Variants in MDGA2 observed in about 807,000 individuals in gnomAD.
MDGA2 encodes MAM domain containing glycosylphosphatidylinositol anchor 2, also known as MAM domain-containing glycosylphosphatidylinositol anchor protein 2.
Under a neutral mutation model 117.8 loss-of-function variants are expected in MDGA2, and 40 were observed. The observed-to-expected ratio is 0.34, with a 90% CI of 0.26 to 0.44. The LOEUF (loss-of-function observed/expected upper bound fraction) is 0.44, where lower values mean the gene tolerates loss of function less well. Ranked by LOEUF, MDGA2 falls within the 20% of genes least tolerant of loss-of-function variation. The probability of loss-of-function intolerance (pLI) is 1.00; values close to 1 mark genes in which losing one functional copy is unlikely to be tolerated. For synonymous variants in MDGA2, 452 were observed against 439.0 expected, an observed-to-expected ratio of 1.03 and a Z score of -0.37; for missense variants, 1,123 against 1,250.6, an observed-to-expected ratio of 0.90 and a Z score of 1.54.
At chr14:47,104,290 A>G in intron 5 of MDGA2, among the ~76,000 whole-genome samples, 1 of 151,584 alleles carries the variant, frequency 6.6e-6, no homozygotes, top group Non-Finnish European at 1.5e-5. Flanking sequence ...TCACAAAACA[A>G]GTGAATATGC....
chr14:46,881,970 G>A, intron 11 of MDGA2, 74 bp downstream of exon 11: 1 of 979,962 alleles, frequency 1.0e-6, no homozygotes, highest in Non-Finnish European at 1.4e-6. Context: ...TCTAAATTTG[G>A]TAGATAGCAG....
At position 47,453,307 on chromosome 14, in the gene MDGA2, T is replaced by A. The variant is rs116375948; in HGVS notation, c.281-151757A>T. Among the ~76,000 whole-genome samples, 965 of 152,232 alleles carry A rather than the reference T, an allele frequency of 6.3e-3. 9 individuals carry two copies. Among genetic ancestry groups the A allele is most frequent in the African/African-American group, 0.022 (923 of 41,564 alleles). On this transcript the variant is annotated intron_variant, in intron 1 of 16. Transcript: ENST00000399232. ...TCCTTTTCTTTCTCATATTTAAATA[T>A]AAAAATTTTCCTTACAAAGGGGTGC...
chr14:47,502,700 A>T (rs1894423822), intron 1 of MDGA2, among the ~76,000 whole-genome samples: 1 of 151,962 alleles, frequency 6.6e-6, no homozygotes, highest in Non-Finnish European at 1.5e-5. Flanking sequence ...ACAGAGTCTC[A>T]CTGTGTCACC....
chr14:47,259,903 T>C (rs919958896), intron 2 of MDGA2, among the ~76,000 whole-genome samples: 1 of 152,082 alleles, frequency 6.6e-6, no homozygotes, highest in Non-Finnish European at 1.5e-5. Flanking sequence ...CAAGCTATTA[T>C]ATAAGAGACT....
chr14:47,514,986 T>C (rs1441008086), intron 1 of MDGA2, among the ~76,000 whole-genome samples: 2 of 152,236 alleles, frequency 1.3e-5, no homozygotes, highest in Non-Finnish European at 2.9e-5. Context: ...AACTATGTTT[T>C]GTCTCTTCAT....
chr14:46,921,273 C>A (rs1884118101), intron 9 of MDGA2, among the ~76,000 whole-genome samples: 1 of 151,962 alleles, frequency 6.6e-6, no homozygotes. Context: ...TTTTTATCAT[C>A]ACTCATTTAA....
chr14:47,034,729 TACACACACACACACACACAC>T (rs59191576), intron 8 of MDGA2, among the ~76,000 whole-genome samples: 1 of 147,054 alleles, frequency 6.8e-6, no homozygotes. Context: ...ATAATTATCA[TACACACACACACACACACAC>T]ACACACACAC....
At chr14:47,075,175 G>A (rs569716682) in intron 6 of MDGA2, among the ~76,000 whole-genome samples, 10 of 152,024 alleles carry the variant, frequency 6.6e-5, no homozygotes, top group Non-Finnish European at 1.3e-4. Context: ...CATCTTTTTT[G>A]TAATGCTTTC....
chr14:47,226,206 A>C (rs925542039), intron 2 of MDGA2, among the ~76,000 whole-genome samples: 2 of 148,578 alleles, frequency 1.3e-5, no homozygotes, highest in African/African-American at 5.0e-5. Context: ...AGAGTGAGAC[A>C]CTGTCTCACC....
chr14:47,470,833 T>C (rs1168950642), intron 1 of MDGA2, among the ~76,000 whole-genome samples: 1 of 152,152 alleles, frequency 6.6e-6, no homozygotes, highest in Non-Finnish European at 1.5e-5. Context: ...GTGGCCAAAT[T>C]GTCATCAATT....
intron 5 of MDGA2, among the ~76,000 whole-genome samples, chr14:47,114,661 G>C (rs1881225059): frequency 6.6e-6 from 1 of 152,044 alleles, no homozygotes; most frequent in South Asian, 2.1e-4. Flanking sequence ...ACAAAAACAA[G>C]CAATGGGGAA....
intron 8 of MDGA2, among the ~76,000 whole-genome samples, chr14:46,961,133 C>T (rs944366088): frequency 2.6e-5 from 4 of 151,904 alleles, no homozygotes; most frequent in South Asian, 2.1e-4. Flanking sequence ...CAGCCACTTT[C>T]GAAATACCTT....
At chr14:46,938,749 A>C (rs1884884721) in intron 9 of MDGA2, among the ~76,000 whole-genome samples, 1 of 152,022 alleles carries the variant, frequency 6.6e-6, no homozygotes, top group South Asian at 2.1e-4. Context: ...GGATTCAACA[A>C]TCCCTCTACT....
At chr14:47,030,110 G>A (rs1382117066) in intron 8 of MDGA2, among the ~76,000 whole-genome samples, 1 of 152,010 alleles carries the variant, frequency 6.6e-6, no homozygotes, top group Non-Finnish European at 1.5e-5. Context: ...ACAGGTGTGA[G>A]CCACCCCCCG....
chr14:47,035,329 T>C (rs1449208682), intron 7 of MDGA2, 25 bp from the exon 8 acceptor site: 2 of 1,587,646 alleles, frequency 1.3e-6, no homozygotes, highest in Non-Finnish European at 1.7e-6. Context: ...AAGAAAATTT[T>C]TCAAGGTTAG....
intron 10 of MDGA2, among the ~76,000 whole-genome samples, chr14:46,906,881 C>T (rs776588230): frequency 2.0e-5 from 3 of 149,936 alleles, no homozygotes; most frequent in Non-Finnish European, 3.0e-5. Context: ...TTTAATGGCA[C>T]ATTAAAAATG....
At chr14:47,588,259 TATACACACACAC>T (rs1422224059) in intron 1 of MDGA2, among the ~76,000 whole-genome samples, 1 of 122,400 alleles carries the variant, frequency 8.2e-6, no homozygotes, top group East Asian at 2.1e-4. Context: ...TATATATATA[TATACACACACAC>T]ACACACACAC....
At chr14:47,279,223 G>T (rs1391114330) in intron 2 of MDGA2, among the ~76,000 whole-genome samples, 1 of 152,008 alleles carries the variant, frequency 6.6e-6, no homozygotes, top group Non-Finnish European at 1.5e-5. Context: ...AATTTTGAGG[G>T]TATGCATACT....
At chr14:46,965,785 G>C (rs566080308) in intron 8 of MDGA2, among the ~76,000 whole-genome samples, 1 of 152,174 alleles carries the variant, frequency 6.6e-6, no homozygotes, top group East Asian at 1.9e-4. Context: ...AAAAAAGTTA[G>C]AGCTCACTAT....
Sources: allele counts gnomAD v4.1 joint callset (sites outside exome capture counted in the v4.1 genomes callset), GRCh38; gene constraint gnomAD v4.1.1; transcripts MANE v1.5; gene names NCBI Gene and HGNC (gene_info 2026-07-23, HGNC 2026-07-21).